Variants in ASPM observed in about 807,000 individuals in gnomAD.
The protein encoded by ASPM is abnormal spindle-like microcephaly-associated protein.
A neutral mutation model predicts 366.4 loss-of-function variants in ASPM; 256 were observed. That is an observed-to-expected ratio of 0.70 (90% CI 0.63 to 0.77). The LOEUF (loss-of-function observed/expected upper bound fraction) is 0.77, where lower values mean the gene tolerates loss of function less well. Among genes scored for constraint, ASPM ranks in the 30% least tolerant of loss-of-function variants. The probability of loss-of-function intolerance (pLI) is 0.00; values close to 1 mark genes in which losing one functional copy is unlikely to be tolerated. For synonymous variants in ASPM, 1,414 were observed against 1,342.9 expected, an observed-to-expected ratio of 1.05 and a Z score of -1.16; for missense variants, 4,146 against 4,090.4, an observed-to-expected ratio of 1.01 and a Z score of -0.37.
chr1:197,109,782 T>A (rs113388571), intron 17 of ASPM, among the ~76,000 whole-genome samples: 1,941 of 152,148 alleles, frequency 0.013, 39 homozygotes, highest in African/African-American at 0.043. Context: ...CTTTTATATG[T>A]TAAAGGGTTA....
chr1:197,124,259 T>C lies in ASPM; in HGVS notation c.3241A>G (p.Lys1081Glu). ...TGGCATGATAGTAGAGATATTGTTT[T>C]CTTTATACTCTTTGTGTGTTTTAGA... ...AFLKHTKSIK[K>E]TISLLSCHSD... Residue 1081 changes from lysine (K) to glutamate (E), a missense_variant, in exon 13 of 28, where the codon AAA (lysine) becomes GAA (glutamate). This residue lies in a region of ASPM where 3,624 missense variants were observed against 3,591.7 expected (regional missense o/e 1.01). Coordinates refer to ENST00000367409, the MANE Select transcript of ASPM (RefSeq NM_018136.5). 1 of 1,607,996 alleles carries C rather than the reference T, an allele frequency of 6.2e-7. No homozygotes were observed. Among genetic ancestry groups the C allele is most frequent in the Non-Finnish European group, 8.5e-7 (1 of 1,175,096 alleles).
In ASPM at chr1:197,135,239, A is replaced by C; in HGVS notation, c.2030T>G (p.Ile677Ser). 3 of 1,613,938 alleles carry C rather than the reference A, an allele frequency of 1.9e-6. No individual in the cohort carries two copies. The highest frequency in any genetic ancestry group is 2.5e-6 in the Non-Finnish European group (3 of 1,179,888). Residue 677 changes from isoleucine (I) to serine (S), a missense_variant, in exon 5 of 28, where the codon ATT (isoleucine) becomes AGT (serine). This residue lies in a region of ASPM where 3,624 missense variants were observed against 3,591.7 expected (regional missense o/e 1.01). Transcript: ENST00000367409. The stretch of plus-strand genomic sequence containing the variant: ...AGCAAATGGCATCGGGTGTCTGGGA[A>C]TATCTAAGAATACAATTAGGTTACT... ...LTFIKPLKTD[I>S]PRHPMPFAAK...
At position 197,143,967 on chromosome 1, in the gene ASPM, T is replaced by A. The variant is rs749076434; in HGVS notation, c.431A>T (p.Lys144Ile). The change falls in exon 2 of 28, where the codon AAA (lysine) becomes ATA (isoleucine). Residue 144 changes from lysine to isoleucine, a missense_variant. Lys to Ile is a moderately radical substitution (Grantham distance 102). Around this residue, in one of 3 missense-constraint regions of ASPM, gnomAD observed 512 missense variants for 471.7 expected, o/e 1.09. Coordinates refer to ENST00000367409, the MANE Select transcript of ASPM (RefSeq NM_018136.5). ...TGGTTAAAACATTACCTTTTTCTTT[T>A]TCTGCTCTTCTGCATTTCCTAGTAA... ...AILLGNAEEQ[K>I]KKKRSLWDTI... 6.2e-7 allele frequency: 1 copy of A among 1,606,336 alleles called. No individual in the cohort carries two copies. The highest frequency in any genetic ancestry group is 2.2e-5 in the East Asian group (1 of 44,706).
At position 197,104,846 on chromosome 1, in the gene ASPM, TAGC is replaced by T; in HGVS notation, c.4402_4404del (p.Ala1468del). On this transcript the variant is annotated inframe_deletion, in exon 18 of 28. Coordinates refer to ENST00000367409, the MANE Select transcript of ASPM (RefSeq NM_018136.5). ...ATTCTATACCATGATTGTATGATAA[TAGC>T]AGAATTTTCTTCTTTAGCTTGTTTT... The T allele has an allele frequency of 6.3e-7, 1 of 1,598,522 alleles. No homozygotes were observed.
intron 17 of ASPM, among the ~76,000 whole-genome samples, chr1:197,115,613 A>C (rs1399258497): frequency 6.6e-6 from 1 of 152,306 alleles, no homozygotes; most frequent in African/African-American, 2.4e-5. Context: ...ATTTTTATCC[A>C]TGGACTACAG....
chr1:197,143,883 C>T, intron 2 of ASPM, 73 bp from the exon 3 acceptor site: 1 of 1,549,252 alleles, frequency 6.5e-7, no homozygotes, highest in Non-Finnish European at 8.9e-7. Flanking sequence ...TTACTTCAAG[C>T]CTGTTATCAA....
rs537718986 is a variant in ASPM, at chr1:197,084,463, GTTC to G, written c.10332-40_10332-38del. On this transcript the variant is annotated intron_variant, in intron 27 of 27. Coordinates refer to ENST00000367409, the MANE Select transcript of ASPM (RefSeq NM_018136.5). Reference sequence around the variant, plus strand: ...AAAAAAAAAGTCTGGCATTAATAAAGTTCTTCTCTTTAGAGTTACCTTCACCTT... The same window carrying G: ...AAAAAAAAAGTCTGGCATTAATAAAGTTCTCTTTAGAGTTACCTTCACCTT... The G allele has an allele frequency of 1.0e-3, 1,471 of 1,432,470 alleles. 16 individuals are homozygous for G. In the African/African-American group the frequency reaches 0.019, roughly 18 times the overall value. 88.7% of individuals were successfully genotyped at this position (1,432,470 alleles called of 1,614,324 possible).
intron 17 of ASPM, among the ~76,000 whole-genome samples, chr1:197,110,827 G>C (rs904712269): frequency 6.6e-6 from 1 of 152,046 alleles, no homozygotes; most frequent in Non-Finnish European, 1.5e-5. Context: ...CCTGATCTTT[G>C]ACATAGTTGA....
At position 197,101,393 on chromosome 1, in the gene ASPM, GTTTT is replaced by G. The variant is rs797045316; in HGVS notation, c.7854_7857del (p.Lys2618AsnfsTer22). The G allele has an allele frequency of 3.7e-6, 6 of 1,608,120 alleles. No homozygotes were observed. Among genetic ancestry groups the G allele is most frequent in the Non-Finnish European group, 4.2e-6 (5 of 1,178,802 alleles). On this transcript the variant is annotated frameshift_variant, in exon 18 of 28. Coordinates refer to ENST00000367409, the MANE Select transcript of ASPM (RefSeq NM_018136.5). LOFTEE classifies it high-confidence loss of function. ...GCAGCCTGGTGCTGTTCCTGAATCT[GTTTT>G]TTTATGTTCATGTCCTGAAAACCTG...
At chr1:197,136,181 A>G (rs2125110867) in intron 4 of ASPM, among the ~76,000 whole-genome samples, 1 of 152,328 alleles carries the variant, frequency 6.6e-6, no homozygotes, top group African/African-American at 2.4e-5. Flanking sequence ...AGACATTTCT[A>G]GATTTTTTTT....
At chr1:197,093,767 C>T (rs1437357959) in intron 20 of ASPM, among the ~76,000 whole-genome samples, 1 of 151,758 alleles carries the variant, frequency 6.6e-6, no homozygotes, top group Admixed American at 6.6e-5. Context: ...AACAGACTTG[C>T]TCAACACAGG....
At position 197,135,205 on chromosome 1, in the gene ASPM, G is replaced by C. The variant is rs199588137; in HGVS notation, c.2064C>G (p.Asn688Lys). 3 of 1,613,822 alleles carry C rather than the reference G, an allele frequency of 1.9e-6. No homozygotes were observed. The African/African-American group carries it at 4.0e-5, about 22-fold the overall frequency. ...CCTTCCAGCGTTCATCATAAAACAT[G>C]TTTTTTGCAGCAAATGGCATCGGGT... The part of the protein sequence containing the change: ...PRHPMPFAAK[N>K]MFYDERWKEK... Residue 688 changes from asparagine to lysine, a missense_variant, in exon 5 of 28, where the codon AAC becomes AAG. Transcript: ENST00000367409.
chr1:197,103,066 T>A lies in ASPM; in HGVS notation c.6185A>T (p.Lys2062Ile), dbSNP rs1557946657. The change falls in exon 18 of 28, where the codon AAA becomes ATA. Residue 2062 changes from lysine (K) to isoleucine (I), a missense_variant. By Grantham distance (102) the Lys-to-Ile change is moderately radical (BLOSUM62 -3). This residue lies in a region of ASPM where 3,624 missense variants were observed against 3,591.7 expected (regional missense o/e 1.01). Transcript: ENST00000367409. ...AGCTGAAGCTCTATAGGTTGCATATTTCTTTTTGGTTTTGTAAGCTCTGTA... is the reference window on the plus strand; with the variant it reads ...AGCTGAAGCTCTATAGGTTGCATATATCTTTTTGGTTTTGTAAGCTCTGTA... ...SKYRAYKTKKKYATYRASAII... is the reference protein window; with the variant it reads ...SKYRAYKTKKIYATYRASAII... 1.2e-6 allele frequency: 2 copies of A among 1,612,676 alleles called. No homozygotes were observed. Among genetic ancestry groups the A allele is most frequent in the Admixed American group, 3.3e-5 (2 of 59,838 alleles).
chr1:197,141,206 A>G (rs879857308), intron 3 of ASPM, among the ~76,000 whole-genome samples: 2 of 152,166 alleles, frequency 1.3e-5, no homozygotes, highest in Non-Finnish European at 2.9e-5. Flanking sequence ...GAAAATAATA[A>G]TATTTCATAA....
At chr1:197,136,128 T>G (rs1242756799) in intron 4 of ASPM, among the ~76,000 whole-genome samples, 1 of 152,152 alleles carries the variant, frequency 6.6e-6, no homozygotes, top group Non-Finnish European at 1.5e-5. Flanking sequence ...ATTGAGAAAC[T>G]GATAGCTGGA....
At chr1:197,145,802 T>C (rs1658749026) in intron 1 of ASPM, among the ~76,000 whole-genome samples, 2 of 151,594 alleles carry the variant, frequency 1.3e-5, no homozygotes, top group African/African-American at 4.9e-5. Context: ...GTTTATGTGT[T>C]GTCCCCGCCC....
In ASPM at chr1:197,104,632, G is replaced by A; in HGVS notation, c.4619C>T (p.Ala1540Val). Reference protein sequence around the residue: ...ERTNYLQKRAAAIQLQAAFRR... With the variant: ...ERTNYLQKRAVAIQLQAAFRR... ...AAAAGCAGCTTGTAATTGAATGGCT[G>A]CAGCTCGTTTCTGCAAATAGTTGGT... The change falls in exon 18 of 28, where the codon GCA (alanine) becomes GTA (valine). Residue 1540 changes from alanine (A) to valine (V), a missense_variant. Physicochemically the swap from Ala to Val is moderately conservative, Grantham distance 64 (BLOSUM62 0). Around this residue, in one of 3 missense-constraint regions of ASPM, gnomAD observed 3,624 missense variants for 3,591.7 expected, o/e 1.01. Coordinates refer to ENST00000367409, the MANE Select transcript of ASPM (RefSeq NM_018136.5). 6.2e-7 allele frequency: 1 copy of A among 1,612,974 alleles called. No homozygotes were observed. The highest frequency in any genetic ancestry group is 8.5e-7 in the Non-Finnish European group (1 of 1,179,392).
intron 22 of ASPM, among the ~76,000 whole-genome samples, 180 bp from the exon 23 acceptor site, chr1:197,091,221 T>C (rs1476687589): frequency 1.1e-5 from 1 of 90,604 alleles, no homozygotes; most frequent in Non-Finnish European, 2.7e-5. Context: ...CAGTCCATGT[T>C]GGGTGCCTGT....
intron 16 of ASPM, among the ~76,000 whole-genome samples, chr1:197,120,027 T>C (rs1657858135): frequency 6.6e-6 from 1 of 151,994 alleles, no homozygotes; most frequent in African/African-American, 2.4e-5. Context: ...GGTAATTGTA[T>C]AAAAGAGGGA....
Sources: allele counts gnomAD v4.1 joint callset (sites outside exome capture counted in the v4.1 genomes callset), GRCh38; gene constraint gnomAD v4.1.1; regional missense constraint gnomAD v4.1.1; transcripts MANE v1.5; gene names NCBI Gene and HGNC (gene_info 2026-07-23, HGNC 2026-07-21).